The following NYAP2 variants were observed in gnomAD, a reference collection of about 807,000 sequenced individuals.
NYAP2 encodes neuronal tyrosine-phosphorylated phosphoinositide-3-kinase adaptor 2.
Under a neutral mutation model 50.4 loss-of-function variants are expected in NYAP2, and 23 were observed. The ratio of observed to expected loss-of-function variants is 0.46; its 90% confidence interval spans 0.33 to 0.65. NYAP2 has a LOEUF of 0.65. Ranked by LOEUF, NYAP2 falls within the 30% of genes least tolerant of loss-of-function variation. NYAP2 has a pLI of 0.02. For missense variants in NYAP2, 885 were observed against 861.0 expected (o/e 1.03, Z -0.35); for synonymous variants, 394 against 365.2 (o/e 1.08, Z -0.90).
At chr2:225,552,794 G>A (rs1353287855) in intron 4 of NYAP2, among the ~76,000 whole-genome samples, 1 of 152,154 alleles carries the variant, frequency 6.6e-6, no homozygotes, top group Non-Finnish European at 1.5e-5. Context: ...AGATTCAAGT[G>A]ATTCTTCCTC....
In NYAP2 at chr2:225,614,777, C is replaced by G. The variant is rs140555608; in HGVS notation, c.1619-12140C>G. 1.8e-3 allele frequency among the ~76,000 whole-genome samples: 276 copies of G among 152,326 alleles called. 1 individual carries two copies. The highest frequency in any genetic ancestry group is 6.4e-3 in the African/African-American group (268 of 41,570). ...AGAGTTGGGCAGAAGCTGAGTGCTA[C>G]ATGAATTTATAATTAGAATTAAGAG... On this transcript the variant is annotated intron_variant, in intron 5 of 6. Transcript: ENST00000636099.
chr2:225,602,401 TGAGTG>T (rs1692707540), intron 5 of NYAP2, among the ~76,000 whole-genome samples: 1 of 152,172 alleles, frequency 6.6e-6, no homozygotes, highest in Non-Finnish European at 1.5e-5. Flanking sequence ...GTTCACAGAC[TGAGTG>T]TTTCCATTCA....
chr2:225,496,626 A>C (rs193183251), intron 3 of NYAP2, among the ~76,000 whole-genome samples: 2 of 152,360 alleles, frequency 1.3e-5, no homozygotes, highest in East Asian at 3.9e-4. Context: ...AGAATCACTA[A>C]GTTAATTGTC....
chr2:225,685,235 A>G, the NYAP2 span, among the ~76,000 whole-genome samples: 1 of 152,188 alleles, frequency 6.6e-6, no homozygotes, highest in African/African-American at 2.4e-5. Flanking sequence ...ATGTTTACTG[A>G]GAAGTGGCTC....
At chr2:225,646,882 C>A (rs1435048691) in intron 6 of NYAP2, among the ~76,000 whole-genome samples, 1 of 152,058 alleles carries the variant, frequency 6.6e-6, no homozygotes, top group Non-Finnish European at 1.5e-5. Flanking sequence ...GGGGGTAGAG[C>A]AAGACGTTTC....
the NYAP2 span, among the ~76,000 whole-genome samples, chr2:225,677,473 T>TC: frequency 6.6e-6 from 1 of 151,650 alleles, no homozygotes; most frequent in Non-Finnish European, 1.5e-5. Flanking sequence ...AGAGTGGGCA[T>TC]CCTGTTCTGC....
intron 4 of NYAP2, among the ~76,000 whole-genome samples, chr2:225,539,937 A>T (rs918848763): frequency 3.3e-5 from 5 of 152,100 alleles, no homozygotes; most frequent in African/African-American, 1.2e-4. Flanking sequence ...AGATACCCTT[A>T]ATCATCTCTC....
At chr2:225,681,562 G>A in the NYAP2 span, among the ~76,000 whole-genome samples, 1 of 152,172 alleles carries the variant, frequency 6.6e-6, no homozygotes. Flanking sequence ...CTTTGGACAA[G>A]TGATGTAACT....
intron 4 of NYAP2, among the ~76,000 whole-genome samples, chr2:225,554,533 G>A (rs571974156): frequency 1.3e-5 from 2 of 151,764 alleles, no homozygotes; most frequent in East Asian, 3.9e-4. Flanking sequence ...CATGTTGGTC[G>A]GGCTGATCTT....
chr2:225,676,568 C>A, the NYAP2 span, among the ~76,000 whole-genome samples: 223 of 152,204 alleles, frequency 1.5e-3, no homozygotes, highest in Non-Finnish European at 6.2e-4. Flanking sequence ...GTTCATCTTA[C>A]ATGGATGGCA....
the NYAP2 span, among the ~76,000 whole-genome samples, chr2:225,688,991 C>T: frequency 1.3e-5 from 2 of 152,190 alleles, no homozygotes; most frequent in African/African-American, 2.4e-5. Context: ...GATCTGCTGC[C>T]TCAGCCTCCC....
chr2:225,540,826 T>C (rs1691453207), intron 4 of NYAP2, among the ~76,000 whole-genome samples: 1 of 152,210 alleles, frequency 6.6e-6, no homozygotes, highest in South Asian at 2.1e-4. Context: ...TTGGAACATA[T>C]AGTACCTCTA....
intron 4 of NYAP2, among the ~76,000 whole-genome samples, chr2:225,524,364 C>A (rs1691117239): frequency 6.6e-6 from 1 of 152,170 alleles, no homozygotes; most frequent in Admixed American, 6.6e-5. Context: ...CTTCCACATT[C>A]TTCTACCTGC....
intron 3 of NYAP2, among the ~76,000 whole-genome samples, chr2:225,482,507 A>G (rs1383405244): frequency 6.6e-6 from 1 of 152,190 alleles, no homozygotes; most frequent in East Asian, 1.9e-4. Flanking sequence ...GAATACTAAA[A>G]GGAAAGTACT....
chr2:225,542,410 G>T (rs1004721089), intron 4 of NYAP2, among the ~76,000 whole-genome samples: 1 of 152,006 alleles, frequency 6.6e-6, no homozygotes, highest in South Asian at 2.1e-4. Flanking sequence ...TGGGTCTGTT[G>T]TATACGGCTT....
At chr2:225,551,480 G>A (rs1184751165) in intron 4 of NYAP2, among the ~76,000 whole-genome samples, 5 of 152,182 alleles carry the variant, frequency 3.3e-5, no homozygotes, top group Non-Finnish European at 7.3e-5. Context: ...ATACCACATG[G>A]AGCAGAACTT....
intron 6 of NYAP2, among the ~76,000 whole-genome samples, chr2:225,633,920 G>A (rs1190672760): frequency 6.6e-6 from 1 of 152,202 alleles, no homozygotes; most frequent in African/African-American, 2.4e-5. Context: ...AAAATCAAGC[G>A]ATGACCATTA....
At position 225,611,400 on chromosome 2, in the gene NYAP2, C is replaced by G. The variant is rs1025839616; in HGVS notation, c.1619-15517C>G. Among the ~76,000 whole-genome samples, 3 of 152,048 alleles carry G rather than the reference C, an allele frequency of 2.0e-5. No homozygotes were observed. In the East Asian group the frequency reaches 5.8e-4, roughly 30 times the overall value. On this transcript the variant is annotated intron_variant, in intron 5 of 6. Transcript: ENST00000636099. ...CAGAAGGAGGCCCCGTATATCTGAC[C>G]AGCTCTGTCTCTTCACCCTCAGTTA...
the NYAP2 span, chr2:225,702,460 T>C: frequency 6.6e-6 from 1 of 151,754 alleles, no homozygotes; most frequent in Non-Finnish European, 1.5e-5. Flanking sequence ...ATAAAGCCAA[T>C]TGTTTTTAAG....
Sources: gnomAD v4.1 joint callset for allele counts (sites outside exome capture counted in the v4.1 genomes callset) on GRCh38, gnomAD v4.1.1 for gene constraint, MANE v1.5 for transcripts, NCBI Gene and HGNC (gene_info 2026-07-23, HGNC 2026-07-21) for gene names.